GPC1: variants seen among roughly 807,000 people sequenced by gnomAD.
GPC1 encodes the protein glypican 1.
Under a neutral mutation model 51.5 loss-of-function variants are expected in GPC1, and 26 were observed. The observed-to-expected ratio is 0.50, with a 90% confidence interval of 0.37 to 0.70. The LOEUF (loss-of-function observed/expected upper bound fraction) is 0.70, where lower values mean the gene tolerates loss of function less well. Among genes scored for constraint, GPC1 ranks in the 30% least tolerant of loss-of-function variants. The probability of loss-of-function intolerance (pLI) is 0.00; values close to 1 mark genes in which losing one functional copy is unlikely to be tolerated. For missense variants in GPC1, 775 were observed against 800.5 expected, an observed-to-expected ratio of 0.97 and a Z score of 0.38; for synonymous variants, 380 against 348.3, an observed-to-expected ratio of 1.09 and a Z score of -1.01.
intron 4 of GPC1, chr2:240,464,406 C>A: frequency 1.7e-6 from 1 of 584,898 alleles, no homozygotes; most frequent in Non-Finnish European, 3.1e-6. Context: ...GCCCGTGGCA[C>A]AGGTGCACAC....
At chr2:240,450,201 A>G (rs1202488394) in intron 1 of GPC1, 1 of 329,426 alleles carries the variant, frequency 3.0e-6, no homozygotes, top group Non-Finnish European at 5.9e-6. Flanking sequence ...CACACCTGCC[A>G]TGCTGGGCAG....
intron 2 of GPC1, 99 bp from the exon 3 acceptor site, chr2:240,462,092 A>T: frequency 8.4e-7 from 1 of 1,193,032 alleles, no homozygotes; most frequent in African/African-American, 1.5e-5. Context: ...CTCAGAGTGT[A>T]TCCTCAGAGC....
chr2:240,449,600 G>C, intron 1 of GPC1: 1 of 254,414 alleles, frequency 3.9e-6, no homozygotes, highest in South Asian at 4.5e-5. Flanking sequence ...TCAGTTTTCA[G>C]TGGCGTTCAG....
intron 1 of GPC1, among the ~76,000 whole-genome samples, chr2:240,441,233 G>T (rs558990487): frequency 6.6e-6 from 1 of 152,370 alleles, no homozygotes; most frequent in East Asian, 1.9e-4. Flanking sequence ...GAGCTTAGTG[G>T]GTGTCTGAGC....
chr2:240,455,828 GC>G (rs1299076789), intron 1 of GPC1, among the ~76,000 whole-genome samples: 2 of 152,218 alleles, frequency 1.3e-5, no homozygotes, highest in Non-Finnish European at 2.9e-5. Flanking sequence ...ACAACCTGTG[GC>G]CCCGGCCTGC....
Position 240,462,276 on chromosome 2 carries a change from C to A in GPC1, c.411C>A (p.Asn137Lys), listed in dbSNP as rs377223030. The part of the protein sequence containing the change: ...PGAFGELYTQ[N>K]ARAFRDLYSE... ...CCTTCGGAGAGCTGTACACGCAGAA[C>A]GCGAGGGCCTTCCGGGACCTGTACT... The change falls in exon 3 of 9, where the codon AAC (asparagine) becomes AAA (lysine). Residue 137 changes from asparagine (N) to lysine (K), a missense_variant. By Grantham distance (94) the Asn-to-Lys change is moderately conservative (BLOSUM62 0). Transcript: ENST00000264039. The A allele has an allele frequency of 1.2e-6, 2 of 1,610,160 alleles. No homozygotes were observed. The highest frequency in any genetic ancestry group is 1.7e-6 in the Non-Finnish European group (2 of 1,178,866).
At position 240,465,737 on chromosome 2, in the gene GPC1, G is replaced by A. The variant is rs945394798; in HGVS notation, c.1444+89G>A. ...GACTGCCCTCCGGGTTCCCCCACCC[G>A]AGGGGCCCTCTGCTCCGGCATCACC... is the stretch of plus-strand genomic sequence containing the variant. On this transcript the variant is annotated intron_variant, in intron 8 of 8. Transcript: ENST00000264039. 3.4e-5 allele frequency: 38 copies of A among 1,105,610 alleles called. No homozygotes were observed. In the Middle Eastern group the frequency reaches 1.2e-3, roughly 35 times the overall value. The allele number at this position is 1,105,610 out of a possible 1,614,324, so 68.5% of individuals were successfully genotyped here.
chr2:240,441,127 G>A (rs1055821201), intron 1 of GPC1, among the ~76,000 whole-genome samples: 7 of 152,266 alleles, frequency 4.6e-5, no homozygotes, highest in African/African-American at 1.7e-4. Flanking sequence ...TGGTTAACGC[G>A]CCTTCCCAGG....
At chr2:240,441,808 C>T (rs2074019206) in intron 1 of GPC1, among the ~76,000 whole-genome samples, 1 of 152,190 alleles carries the variant, frequency 6.6e-6, no homozygotes, top group African/African-American at 2.4e-5. Flanking sequence ...GGGCGGTTCT[C>T]CCTCCACCTC....
intron 1 of GPC1, among the ~76,000 whole-genome samples, chr2:240,437,703 C>CT (rs1341221468): frequency 2.0e-5 from 3 of 152,202 alleles, no homozygotes; most frequent in Non-Finnish European, 4.4e-5. Flanking sequence ...CCTCCCCAGG[C>CT]ACCAGGGTAG....
chr2:240,460,844 T>G (rs1270760380), intron 2 of GPC1, among the ~76,000 whole-genome samples: 2 of 152,018 alleles, frequency 1.3e-5, no homozygotes, highest in Admixed American at 1.3e-4. Context: ...CCATGGCAGC[T>G]GCTGTCCCCT....
chr2:240,454,229 G>A lies in GPC1; in HGVS notation c.167-4801G>A, dbSNP rs2074134768. 2.0e-5 allele frequency among the ~76,000 whole-genome samples: 3 copies of A among 152,348 alleles called. 1 individual carries two copies. In the South Asian group the frequency reaches 6.2e-4, roughly 32 times the overall value. ...TGGCTCAGACGTCAGGAGCCCAGGC[G>A]GACAGGGACTGGCCAGGGGCGCAGG... On this transcript the variant is annotated intron_variant, in intron 1 of 8. Transcript: ENST00000264039.
intron 1 of GPC1, among the ~76,000 whole-genome samples, chr2:240,452,652 CGGGCAGGAAGGCGGGCGCA>C (rs1459718479): frequency 6.6e-6 from 1 of 151,860 alleles, no homozygotes; most frequent in Non-Finnish European, 1.5e-5. Context: ...GCCTCGGCGG[CGGGCAGGAAGGCGGGCGCA>C]GGGCGGCGGG....
chr2:240,465,423 C>T (rs775980945), intron 7 of GPC1, 50 bp from the exon 8 acceptor site: 1 of 1,572,700 alleles, frequency 6.4e-7, no homozygotes, highest in Non-Finnish European at 8.7e-7. Context: ...GGTGATGGCC[C>T]TTTGCAGGGG....
At chr2:240,441,625 C>T (rs889072237) in intron 1 of GPC1, among the ~76,000 whole-genome samples, 6 of 152,324 alleles carry the variant, frequency 3.9e-5, no homozygotes, top group East Asian at 1.9e-4. Flanking sequence ...GCCCACTTTA[C>T]GTGGGGGCTC....
At chr2:240,439,629 C>G (rs1204747112) in intron 1 of GPC1, among the ~76,000 whole-genome samples, 1 of 152,200 alleles carries the variant, frequency 6.6e-6, no homozygotes, top group African/African-American at 2.4e-5. Flanking sequence ...CTCAGAGGGC[C>G]TGGACCTCTC....
chr2:240,463,564 C>A (rs1416462802), intron 4 of GPC1, 52 bp downstream of exon 4: 1 of 1,482,888 alleles, frequency 6.7e-7, no homozygotes, highest in South Asian at 1.2e-5. Flanking sequence ...GAGTGCACGA[C>A]TGGGGGTCCT....
chr2:240,459,234 A>G, intron 2 of GPC1, 46 bp downstream of exon 2: 1 of 1,568,098 alleles, frequency 6.4e-7, no homozygotes, highest in South Asian at 1.1e-5. Context: ...GTGCCGGTGC[A>G]TCGGGGGAGG....
intron 1 of GPC1, chr2:240,450,967 A>G (rs765640759): frequency 1.3e-5 from 5 of 392,962 alleles, no homozygotes; most frequent in South Asian, 7.6e-5. Flanking sequence ...GGGAAGTGGC[A>G]GGTCACAGCT....
Sources: allele counts gnomAD v4.1 joint callset (sites outside exome capture counted in the v4.1 genomes callset), GRCh38; gene constraint gnomAD v4.1.1; transcripts MANE v1.5; gene names NCBI Gene and HGNC (gene_info 2026-07-23, HGNC 2026-07-21).